Variants in SMYD3 observed in about 807,000 individuals in gnomAD.
SMYD3 encodes the protein histone-lysine N-methyltransferase SMYD3.
SMYD3 carries 36 observed loss-of-function variants against 57.7 expected under a neutral mutation model. The observed-to-expected ratio is 0.62, with a 90% CI of 0.48 to 0.82. SMYD3 has a LOEUF of 0.82. Ranked by LOEUF, SMYD3 falls within the 40% of genes least tolerant of loss-of-function variation. The pLI is 0.00. For missense variants in SMYD3, 515 were observed against 538.8 expected (o/e 0.96, Z 0.44); for synonymous variants, 211 against 195.0 (o/e 1.08, Z -0.68).
intron 6 of SMYD3, among the ~76,000 whole-genome samples, chr1:245,929,377 A>G (rs2147844570): frequency 6.6e-6 from 1 of 152,344 alleles, no homozygotes. Flanking sequence ...TTCATAGCTC[A>G]GTGGTAAGAG....
chr1:245,954,351 G>A (rs2057761117), intron 5 of SMYD3, among the ~76,000 whole-genome samples: 1 of 152,130 alleles, frequency 6.6e-6, no homozygotes. Context: ...ACAGGCCAAA[G>A]AAAAACAGGA....
intron 1 of SMYD3, among the ~76,000 whole-genome samples, chr1:246,503,701 G>T (rs372103461): frequency 6.6e-6 from 1 of 152,142 alleles, no homozygotes; most frequent in Non-Finnish European, 1.5e-5. Context: ...AGCGGCTCAC[G>T]CCTGTAATCC....
chr1:246,048,420 G>C (rs1165379152), intron 5 of SMYD3, among the ~76,000 whole-genome samples: 2 of 152,172 alleles, frequency 1.3e-5, no homozygotes, highest in Admixed American at 1.3e-4. Context: ...GTGCAAAGCT[G>C]TATGCACTAG....
chr1:246,259,672 A>T (rs963839415), intron 5 of SMYD3, among the ~76,000 whole-genome samples: 28 of 152,328 alleles, frequency 1.8e-4, no homozygotes, highest in African/African-American at 6.5e-4. Context: ...GTTGCCTCAG[A>T]CAATGGGCTG....
rs79178005 is a variant in SMYD3 at position 246,245,983 on chromosome 1, T to C, written c.531+81218A>G. ...CCTATCCAAAAAATTCATTTGTTTT[T>C]GGTGACAGTGGTGATGAAATCATTT... On this transcript the variant is annotated intron_variant, in intron 5 of 11. Coordinates refer to ENST00000490107, the MANE Select transcript of SMYD3 (RefSeq NM_001167740.2). Among the ~76,000 whole-genome samples, 228 of 152,352 alleles carry C rather than the reference T, an allele frequency of 1.5e-3. 3 individuals are homozygous for C. The East Asian group carries it at 0.039, about 26-fold the overall frequency.
intron 1 of SMYD3, among the ~76,000 whole-genome samples, chr1:246,407,507 A>G (rs1027270848): frequency 1.1e-4 from 17 of 152,206 alleles, no homozygotes; most frequent in African/African-American, 4.1e-4. Context: ...TGAGGCTGCT[A>G]TAACAGAATA....
At chr1:245,877,683 C>A (rs2052560011) in intron 8 of SMYD3, among the ~76,000 whole-genome samples, 1 of 152,178 alleles carries the variant, frequency 6.6e-6, no homozygotes, top group Non-Finnish European at 1.5e-5. Context: ...AACGGCCATG[C>A]ATCTGGCTTC....
intron 10 of SMYD3, among the ~76,000 whole-genome samples, chr1:245,844,101 C>T (rs1412747141): frequency 6.6e-6 from 1 of 152,138 alleles, no homozygotes; most frequent in African/African-American, 2.4e-5. Context: ...CTCCTCTGGC[C>T]AGGAGGAAAA....
intron 8 of SMYD3, among the ~76,000 whole-genome samples, chr1:245,891,458 A>T (rs769190826): frequency 7.2e-5 from 11 of 152,350 alleles, no homozygotes; most frequent in Non-Finnish European, 1.6e-4. Context: ...ACAGCCCAGG[A>T]TGACATCCAC....
chr1:245,959,077 T>C (rs1296161720), intron 5 of SMYD3, among the ~76,000 whole-genome samples: 2 of 152,098 alleles, frequency 1.3e-5, no homozygotes, highest in Non-Finnish European at 2.9e-5. Context: ...CCAGCTAATT[T>C]TTTGGGTTTT....
chr1:246,048,559 T>G (rs1413054896), intron 5 of SMYD3, among the ~76,000 whole-genome samples: 2 of 152,076 alleles, frequency 1.3e-5, no homozygotes, highest in Non-Finnish European at 2.9e-5. Context: ...AAAAACTGTA[T>G]TTTGCTGCAG....
chr1:246,351,680 T>C (rs2065826678), intron 2 of SMYD3, among the ~76,000 whole-genome samples: 1 of 152,198 alleles, frequency 6.6e-6, no homozygotes, highest in Admixed American at 6.5e-5. Flanking sequence ...AATAGTTTGG[T>C]GTATATCCTC....
chr1:246,443,913 T>C (rs961982455), intron 1 of SMYD3, among the ~76,000 whole-genome samples: 1 of 152,088 alleles, frequency 6.6e-6, no homozygotes, highest in Non-Finnish European at 1.5e-5. Context: ...AAAATTCATA[T>C]TTCATTTCAA....
intron 5 of SMYD3, among the ~76,000 whole-genome samples, chr1:245,945,051 G>A (rs2057386720): frequency 6.6e-6 from 1 of 152,016 alleles, no homozygotes; most frequent in South Asian, 2.1e-4. Flanking sequence ...AAAAATCTCG[G>A]CAATACCATT....
In SMYD3 at chr1:246,203,384, T is replaced by C. The variant is rs2148370012; in HGVS notation, c.531+123817A>G. On this transcript the variant is annotated intron_variant, in intron 5 of 11. Coordinates refer to ENST00000490107, the MANE Select transcript of SMYD3 (RefSeq NM_001167740.2). This position sits in a 1 kb window ranked among gnomAD's most constrained non-coding sequence, Gnocchi z 4.6. ...TCTGGACGCCAGCACCTCCCCATGG[T>C]TGTTCGCTAGAGCTGCCATAACAGA... Among the ~76,000 whole-genome samples, 1 of 152,304 alleles carries C rather than the reference T, an allele frequency of 6.6e-6. No homozygotes were observed. Among genetic ancestry groups the C allele is most frequent in the South Asian group, 2.1e-4 (1 of 4,826 alleles).
chr1:246,348,875 A>T (rs1320225937), intron 2 of SMYD3, among the ~76,000 whole-genome samples: 1 of 152,200 alleles, frequency 6.6e-6, no homozygotes, highest in Non-Finnish European at 1.5e-5. Flanking sequence ...AACAACTTAC[A>T]TATAGAGGAA....
intron 5 of SMYD3, among the ~76,000 whole-genome samples, chr1:245,954,900 T>TA (rs1044666596): frequency 6.6e-6 from 1 of 152,212 alleles, no homozygotes; most frequent in Admixed American, 6.5e-5. Context: ...AAATCTTTTT[T>TA]AAAAACAGAT....
chr1:245,797,329 A>G (rs2047567905), intron 10 of SMYD3, among the ~76,000 whole-genome samples: 8 of 152,184 alleles, frequency 5.3e-5, no homozygotes, highest in Admixed American at 5.2e-4. Flanking sequence ...TATATACACC[A>G]TGGAATACTA....
In SMYD3 at chr1:246,131,731, GATAAAGTCTGAC is replaced by G. The variant is rs769465290; in HGVS notation, c.531+195458_531+195469del. 2.0e-5 allele frequency among the ~76,000 whole-genome samples: 3 copies of G among 152,302 alleles called. No individual in the cohort carries two copies. The South Asian group carries it at 6.2e-4, about 32-fold the overall frequency. ...ACCACAATTTTATGATTTATGCAAT[GATAAAGTCTGAC>G]ATAAATTTCCGGAGAAGTCTAGAAC... On this transcript the variant is annotated intron_variant, in intron 5 of 11. Coordinates refer to ENST00000490107, the MANE Select transcript of SMYD3 (RefSeq NM_001167740.2).
Sources: allele counts gnomAD v4.1 joint callset (sites outside exome capture counted in the v4.1 genomes callset), GRCh38; gene constraint gnomAD v4.1.1; non-coding constraint Gnocchi (gnomAD v3.1); transcripts MANE v1.5; gene names NCBI Gene and HGNC (gene_info 2026-07-23, HGNC 2026-07-21).